GRIP1: variants seen among roughly 807,000 people sequenced by gnomAD.
The protein encoded by GRIP1 is glutamate receptor-interacting protein 1.
A neutral mutation model predicts 129.9 loss-of-function variants in GRIP1; 45 were observed. That is an observed-to-expected ratio of 0.35 (90% CI 0.27 to 0.44). GRIP1 has a LOEUF of 0.44. Among genes scored for constraint, GRIP1 ranks in the 20% least tolerant of loss-of-function variants. The probability of loss-of-function intolerance (pLI) is 1.00; values close to 1 mark genes in which losing one functional copy is unlikely to be tolerated. For synonymous variants in GRIP1, 530 were observed against 520.8 expected, an observed-to-expected ratio of 1.02 and a Z score of -0.24; for missense variants, 1,196 against 1,396.8, an observed-to-expected ratio of 0.86 and a Z score of 2.29.
upstream of GRIP1, among the ~76,000 whole-genome samples, chr12:66,806,431 C>A (rs933216804): frequency 6.6e-6 from 1 of 152,018 alleles, no homozygotes; most frequent in Non-Finnish European, 1.5e-5. Flanking sequence ...GTGATTAATT[C>A]AAGTATATGT....
intron 1 of GRIP1, among the ~76,000 whole-genome samples, chr12:66,846,079 T>C (rs1291854472): frequency 6.6e-6 from 1 of 152,164 alleles, no homozygotes; most frequent in African/African-American, 2.4e-5. Flanking sequence ...TGCTCACATC[T>C]CCCTCCCTGC....
intron 2 of GRIP1, among the ~76,000 whole-genome samples, chr12:66,559,057 C>G (rs956657050): frequency 1.3e-5 from 2 of 151,222 alleles, no homozygotes; most frequent in African/African-American, 4.9e-5. Flanking sequence ...ATACCCACAA[C>G]AGAATGAAGG....
chr12:66,616,620 G>A (rs1179531241), intron 1 of GRIP1, among the ~76,000 whole-genome samples: 3 of 152,100 alleles, frequency 2.0e-5, no homozygotes, highest in Non-Finnish European at 1.5e-5. Flanking sequence ...CAAGCAGTGT[G>A]GGGAGAGGAT....
At position 66,445,512 on chromosome 12, in the gene GRIP1, G is replaced by A. The variant is rs768350935; in HGVS notation, c.1355-4C>T. The A allele has an allele frequency of 6.2e-7, 1 of 1,607,582 alleles. No individual in the cohort carries two copies. ...ACTGTGCTGGAGGCTAAGGACACTA[G>A]AGGAACAAACAGAAAATACTGACTT... is the stretch of plus-strand genomic sequence containing the variant. On this transcript the variant is annotated splice_polypyrimidine_tract_variant and splice_region_variant and intron_variant, in intron 11 of 24. Coordinates refer to ENST00000359742, the MANE Select transcript of GRIP1 (RefSeq NM_001366722.1).
At chr12:67,007,532 G>T (rs2042644622) in intron 1 of GRIP1, among the ~76,000 whole-genome samples, 1 of 152,084 alleles carries the variant, frequency 6.6e-6, no homozygotes, top group African/African-American at 2.4e-5. Flanking sequence ...AGAAAAAGAA[G>T]AGTGATGGGC....
At chr12:66,491,945 T>C (rs2060115212) in intron 7 of GRIP1, among the ~76,000 whole-genome samples, 1 of 152,166 alleles carries the variant, frequency 6.6e-6, no homozygotes, top group South Asian at 2.1e-4. Context: ...GCTGGATAAG[T>C]GATTCACAGG....
At chr12:66,910,768 G>C (rs574125368) in intron 1 of GRIP1, among the ~76,000 whole-genome samples, 8 of 152,252 alleles carry the variant, frequency 5.3e-5, no homozygotes, top group African/African-American at 1.9e-4. Flanking sequence ...GTAGACCAGT[G>C]ATTCTAAAAC....
At chr12:66,752,732 T>C (rs997697695) in intron 1 of GRIP1, among the ~76,000 whole-genome samples, 6 of 152,124 alleles carry the variant, frequency 3.9e-5, no homozygotes, top group African/African-American at 1.4e-4. Context: ...TATCACCTGG[T>C]TAATTAAACA....
At chr12:66,545,042 A>T (rs1222192213) in intron 2 of GRIP1, among the ~76,000 whole-genome samples, 2 of 152,116 alleles carry the variant, frequency 1.3e-5, no homozygotes, top group Admixed American at 1.3e-4. Flanking sequence ...CTCAATTAAG[A>T]GGACCTTGTA....
chr12:66,529,872 G>A lies in GRIP1; in HGVS notation c.461C>T (p.Thr154Ile). The change falls in exon 5 of 25, where the codon ACA becomes ATA. Residue 154 changes from threonine (T) to isoleucine (I), a missense_variant. This residue lies in a region of GRIP1 where 217 missense variants were observed against 224.8 expected (regional missense o/e 0.97). Transcript: ENST00000359742. ...AAAGGTATTGCCTTCTTTATGTAAT[G>A]TGACCTCCACTGTTCGGAAAATAAC... ...SSVIFRTVEV[T>I]LHKEGNTFGF... 6.2e-7 allele frequency: 1 copy of A among 1,607,034 alleles called. No homozygotes were observed. Among genetic ancestry groups the A allele is most frequent in the East Asian group, 2.2e-5 (1 of 44,844 alleles).
intron 1 of GRIP1, among the ~76,000 whole-genome samples, chr12:66,660,367 T>C (rs907758678): frequency 9.9e-5 from 15 of 152,174 alleles, no homozygotes; most frequent in Non-Finnish European, 5.9e-5. Flanking sequence ...AGATTGTTCT[T>C]ATGTCATGGG....
intron 1 of GRIP1, among the ~76,000 whole-genome samples, chr12:67,065,805 C>A (rs1565663876): frequency 6.6e-6 from 1 of 152,170 alleles, no homozygotes; most frequent in Admixed American, 6.5e-5. Flanking sequence ...TTCTCAACAA[C>A]TATTTTCTTA....
At position 66,796,385 on chromosome 12, in the gene GRIP1, G is replaced by A. The variant is rs1047191101; in HGVS notation, c.-420+7668C>T. On this transcript the variant is annotated intron_variant, in intron 1 of 4. Transcript: ENST00000538373. ...AAAGAAACAAGCCATCCAGAAGATG[G>A]CAAGGGAAGTACTGTATTAGAATGA... Among the ~76,000 whole-genome samples the A allele has an allele frequency of 3.3e-5, 5 of 151,896 alleles. No individual in the cohort carries two copies. In the East Asian group the frequency reaches 7.7e-4, roughly 23 times the overall value.
At chr12:66,569,331 G>C (rs1239122066) in intron 2 of GRIP1, 1 of 159,136 alleles carries the variant, frequency 6.3e-6, no homozygotes, top group Non-Finnish European at 1.4e-5. Flanking sequence ...ACAAAAATTA[G>C]CTGGGTGCGG....
intron 1 of GRIP1, among the ~76,000 whole-genome samples, chr12:67,057,632 TAAC>T (rs892463566): frequency 4.6e-5 from 7 of 151,914 alleles, no homozygotes; most frequent in South Asian, 2.1e-4. Context: ...CTGTGAGCAA[TAAC>T]AACAACAACA....
At chr12:66,997,840 G>C (rs2042492463) in intron 1 of GRIP1, among the ~76,000 whole-genome samples, 1 of 151,998 alleles carries the variant, frequency 6.6e-6, no homozygotes, top group South Asian at 2.1e-4. Context: ...GGTATCTATG[G>C]CCTCTAAATG....
chr12:66,964,142 C>T (rs954334051), intron 1 of GRIP1, among the ~76,000 whole-genome samples: 2 of 152,118 alleles, frequency 1.3e-5, no homozygotes, highest in African/African-American at 4.8e-5. Flanking sequence ...AAATGTTTCC[C>T]GCAGTGCTGC....
chr12:66,603,490 G>T (rs7968697), intron 1 of GRIP1, among the ~76,000 whole-genome samples: 90,862 of 152,110 alleles, frequency 0.6, 28,326 homozygotes, highest in African/African-American at 0.72. Flanking sequence ...CCCCAACCCA[G>T]GGAATCAGAG....
chr12:66,641,420 C>T (rs1370255058), intron 1 of GRIP1, among the ~76,000 whole-genome samples: 1 of 152,192 alleles, frequency 6.6e-6, no homozygotes, highest in South Asian at 2.1e-4. Context: ...TCCCTGAACA[C>T]ATTCTTATTT....
Sources: allele counts gnomAD v4.1 joint callset (sites outside exome capture counted in the v4.1 genomes callset), GRCh38; gene constraint gnomAD v4.1.1; regional missense constraint gnomAD v4.1.1; transcripts MANE v1.5; gene names NCBI Gene and HGNC (gene_info 2026-07-23, HGNC 2026-07-21).